ZNF18: variants seen among roughly 807,000 people sequenced by gnomAD.
ZNF18 encodes heart development-specific gene 1 protein.
Under a neutral mutation model 58.1 loss-of-function variants are expected in ZNF18, and 42 were observed. That is an observed-to-expected ratio of 0.72 (90% CI 0.56 to 0.93). ZNF18 has a LOEUF of 0.93. Ranked by LOEUF, ZNF18 falls within the 40% of genes least tolerant of loss-of-function variation. The pLI, the probability that ZNF18 is intolerant of heterozygous loss-of-function variation, is 0.00. For missense variants in ZNF18, 540 were observed against 644.2 expected (o/e 0.84, Z 1.75); for synonymous variants, 231 against 239.8 (o/e 0.96, Z 0.34).
At chr17:12,018,059 T>C in the ZNF18 span, among the ~76,000 whole-genome samples, 1 of 152,202 alleles carries the variant, frequency 6.6e-6, no homozygotes, top group Non-Finnish European at 1.5e-5. Flanking sequence ...AGAAATCATC[T>C]TAATTTGTTA....
chr17:12,019,525 G>A, the ZNF18 span, among the ~76,000 whole-genome samples: 4,505 of 152,166 alleles, frequency 0.03, 90 homozygotes, highest in Non-Finnish European at 0.04. Context: ...ATAAGACCTG[G>A]ACTTGAAGAT....
At chr17:12,018,671 A>C in the ZNF18 span, among the ~76,000 whole-genome samples, 1 of 152,250 alleles carries the variant, frequency 6.6e-6, no homozygotes, top group African/African-American at 2.4e-5. Flanking sequence ...TGTGAGCATA[A>C]GAAAAAGTTA....
the ZNF18 span, chr17:12,020,970 G>T: frequency 8.2e-7 from 1 of 1,213,162 alleles, no homozygotes; most frequent in African/African-American, 1.6e-5. Flanking sequence ...GGTCCCCGGC[G>T]CCAGGCCACC....
chr17:12,010,419 C>CT, the ZNF18 span, among the ~76,000 whole-genome samples: 428 of 145,472 alleles, frequency 2.9e-3, 1 homozygote, highest in Middle Eastern at 7.2e-3. Context: ...TGTTTCTGAA[C>CT]TTTTTTTTTT....
At chr17:11,983,165 A>G in intron 6 of ZNF18, 132 bp downstream of exon 6, 1 of 620,888 alleles carries the variant, frequency 1.6e-6, no homozygotes, top group Non-Finnish European at 2.9e-6. Context: ...CAAACCAATC[A>G]GATCATGGCT....
At chr17:12,001,426 A>G (rs1453170279), upstream of ZNF18, among the ~76,000 whole-genome samples, 4 of 152,088 alleles carry the variant, frequency 2.6e-5, no homozygotes, top group Admixed American at 6.6e-5. Flanking sequence ...TCAGGAGATC[A>G]AGACCATCCT....
chr17:11,981,986 G>A (rs1208334049), intron 6 of ZNF18, among the ~76,000 whole-genome samples: 1 of 152,070 alleles, frequency 6.6e-6, no homozygotes, highest in Non-Finnish European at 1.5e-5. Context: ...TCCTAAGGGT[G>A]GAGTCCTCAT....
Position 11,992,724 on chromosome 17 carries a change from T to C in ZNF18, c.106A>G (p.Ser36Gly). 4 of 1,614,268 alleles carry C rather than the reference T, an allele frequency of 2.5e-6. No individual in the cohort carries two copies. Among genetic ancestry groups the C allele is most frequent in the Non-Finnish European group, 3.4e-6 (4 of 1,180,052 alleles). Residue 36 changes from serine (S) to glycine (G), a missense_variant, in exon 2 of 7, where the codon AGC becomes GGC. Physicochemically the swap from Ser to Gly is moderately conservative, Grantham distance 56. Coordinates refer to ENST00000580306, the MANE Select transcript of ZNF18 (RefSeq NM_001303281.2). ...SDAALQEELSSPETARQLFRQ... is the reference protein window; with the variant it reads ...SDAALQEELSGPETARQLFRQ... ...AAAAGCTGGCGTGCGGTCTCAGGGC[T>C]GGAGAGTTCCTCTTGAAGGGCAGCA... is the stretch of plus-strand genomic sequence containing the variant.
At position 11,993,043 on chromosome 17, in the gene ZNF18, G is replaced by A. The variant is rs531335619; in HGVS notation, c.-82-132C>T. 1.8e-5 allele frequency: 10 copies of A among 549,974 alleles called. No individual in the cohort carries two copies. The Admixed American group carries it at 2.3e-4, about 12-fold the overall frequency. 34.1% of individuals were successfully genotyped at this position (549,974 alleles called of 1,614,324 possible). A position where few individuals can be genotyped will look rare whatever the true frequency, so the allele number is the denominator to read the frequency against. On this transcript the variant is annotated intron_variant, in intron 1 of 6. Transcript: ENST00000580306. ...TTTTGAAATTGCTCAATGGATACAC[G>A]ATTCTATTTTGAAAGATTATAAACT...
In ZNF18 at chr17:11,991,063, T is replaced by G. The variant is rs894965154; in HGVS notation, c.488A>C (p.Gln163Pro). 40 of 1,614,046 alleles carry G rather than the reference T, an allele frequency of 2.5e-5. No individual in the cohort carries two copies. The highest frequency in any genetic ancestry group is 3.3e-5 in the Non-Finnish European group (39 of 1,180,028). ...GGATGAATTCTCAAGTCCCAACTCC[T>G]GAGGCACCACTTCAAGATGGGGCTC... Reference protein sequence around the residue: ...EVEPHLEVVPQELGLENSSSG... With the variant: ...EVEPHLEVVPPELGLENSSSG... The change falls in exon 3 of 7, where the codon CAG becomes CCG. Residue 163 changes from glutamine to proline, a missense_variant. Physicochemically the swap from Gln to Pro is moderately conservative, Grantham distance 76 (BLOSUM62 -1). Coordinates refer to ENST00000580306, the MANE Select transcript of ZNF18 (RefSeq NM_001303281.2).
the ZNF18 span, among the ~76,000 whole-genome samples, chr17:12,013,020 C>T: frequency 1.3e-5 from 2 of 151,448 alleles, no homozygotes; most frequent in African/African-American, 4.9e-5. Context: ...GGCGCGATCT[C>T]GGCTCACTGC....
the ZNF18 span, among the ~76,000 whole-genome samples, chr17:12,004,057 C>T: frequency 1.3e-5 from 2 of 152,140 alleles, no homozygotes; most frequent in Non-Finnish European, 2.9e-5. Flanking sequence ...ATGGTGAAAT[C>T]CCGTCTCTAC....
At chr17:11,980,309 T>C (rs538381832) in intron 6 of ZNF18, among the ~76,000 whole-genome samples, 59 of 152,362 alleles carry the variant, frequency 3.9e-4, no homozygotes, top group African/African-American at 1.4e-3. Context: ...TTATGAGCTA[T>C]TTTTCATACT....
At chr17:11,981,318 CTTT>C (rs35186030) in intron 6 of ZNF18, among the ~76,000 whole-genome samples, 5 of 135,826 alleles carry the variant, frequency 3.7e-5, no homozygotes, top group Middle Eastern at 3.7e-3. Context: ...CACATATCCT[CTTT>C]TTTTTTTTTT....
At chr17:12,004,023 G>A in the ZNF18 span, among the ~76,000 whole-genome samples, 1 of 152,196 alleles carries the variant, frequency 6.6e-6, no homozygotes, top group South Asian at 2.1e-4. Flanking sequence ...ACAAGGTCAG[G>A]AGTTTGAGAC....
chr17:11,990,558 G>A lies in ZNF18; in HGVS notation c.578-8C>T, dbSNP rs772758736. ...GCTGGGAGGCAGCCAGGGCTGAAGT[G>A]AGGAGAGGAAGTTTTCAGAATCTGG... On this transcript the variant is annotated splice_polypyrimidine_tract_variant and splice_region_variant and intron_variant, in intron 3 of 6. Transcript: ENST00000580306. The A allele has an allele frequency of 3.7e-6, 6 of 1,605,138 alleles. No individual in the cohort carries two copies. Among genetic ancestry groups the A allele is most frequent in the East Asian group, 4.5e-5 (2 of 44,778 alleles).
At chr17:12,021,172 G>C in the ZNF18 span, among the ~76,000 whole-genome samples, 1 of 151,582 alleles carries the variant, frequency 6.6e-6, no homozygotes, top group African/African-American at 2.4e-5. Flanking sequence ...CCTCCGGCCC[G>C]GCTTGGATCC....
the ZNF18 span, among the ~76,000 whole-genome samples, chr17:12,018,792 G>T: frequency 6.6e-6 from 1 of 151,984 alleles, no homozygotes; most frequent in Non-Finnish European, 1.5e-5. Context: ...CAACAGCAAT[G>T]CAAGTATATG....
the ZNF18 span, among the ~76,000 whole-genome samples, chr17:12,013,474 C>T: frequency 6.6e-6 from 1 of 151,910 alleles, no homozygotes; most frequent in Non-Finnish European, 1.5e-5. Flanking sequence ...ATTTTTGATC[C>T]ATTTGGAACT....
Sources: allele counts gnomAD v4.1 joint callset (sites outside exome capture counted in the v4.1 genomes callset), GRCh38; gene constraint gnomAD v4.1.1; transcripts MANE v1.5; gene names NCBI Gene and HGNC (gene_info 2026-07-23, HGNC 2026-07-21).